DAB1: variants seen among roughly 807,000 people sequenced by gnomAD.
DAB1 encodes disabled homolog 1.
Under a neutral mutation model 64.6 loss-of-function variants are expected in DAB1, and 15 were observed. The ratio of observed to expected loss-of-function variants is 0.23; its 90% CI spans 0.16 to 0.36. The LOEUF is 0.36. DAB1 is among the 10% of genes least tolerant of loss of function. DAB1 has a pLI of 1.00. For synonymous variants in DAB1, 235 were observed against 251.9 expected, an observed-to-expected ratio of 0.93 and a Z score of 0.64; for missense variants, 596 against 706.7, an observed-to-expected ratio of 0.84 and a Z score of 1.78.
rs541905558 is a variant in DAB1 at position 58,373,884 on chromosome 1, G to A, written n.258-30481C>T. The stretch of plus-strand genomic sequence containing the variant: ...ATGATTGCCATTCTAACTGGTGTGA[G>A]ATGATATCTCATAGTGGTTTTGATT... On this transcript the variant is annotated intron_variant and non_coding_transcript_variant, in intron 3 of 20. Transcript: ENST00000485760. Among the ~76,000 whole-genome samples the A allele has an allele frequency of 1.9e-3, 279 of 150,670 alleles. 11 individuals carry two copies. In the South Asian group the frequency reaches 0.054, roughly 29 times the overall value.
At chr1:58,022,340 T>C (rs959379834) in intron 5 of DAB1, among the ~76,000 whole-genome samples, 1 of 152,160 alleles carries the variant, frequency 6.6e-6, no homozygotes, top group African/African-American at 2.4e-5. Context: ...GCTGTGGGGA[T>C]GCTAGAGAGA....
intron 2 of DAB1, among the ~76,000 whole-genome samples, chr1:57,223,134 T>C (rs1440416063): frequency 6.6e-6 from 1 of 152,176 alleles, no homozygotes; most frequent in African/African-American, 2.4e-5. Context: ...GCCGCCAAAA[T>C]GCCTCTCCTC....
chr1:57,161,974 C>T (rs1660802736), intron 2 of DAB1, among the ~76,000 whole-genome samples: 1 of 152,138 alleles, frequency 6.6e-6, no homozygotes, highest in Non-Finnish European at 1.5e-5. Context: ...TGTGCAATAG[C>T]CCATCCTACA....
chr1:57,946,605 G>C (rs1645187324), intron 5 of DAB1, among the ~76,000 whole-genome samples: 1 of 152,142 alleles, frequency 6.6e-6, no homozygotes, highest in Admixed American at 6.5e-5. Context: ...AGAAAGAGGG[G>C]ATGCGGTCTG....
At chr1:58,196,391 A>G (rs1657678077) in intron 4 of DAB1, among the ~76,000 whole-genome samples, 1 of 152,236 alleles carries the variant, frequency 6.6e-6, no homozygotes, top group Non-Finnish European at 1.5e-5. Context: ...GAAGCTAAGC[A>G]GCTGCTGAAA....
intron 2 of DAB1, among the ~76,000 whole-genome samples, chr1:57,268,674 T>C (rs574755215): frequency 2.0e-5 from 3 of 152,206 alleles, no homozygotes; most frequent in Non-Finnish European, 4.4e-5. Flanking sequence ...ACCTTCTATG[T>C]GCCAAGCCCT....
intron 1 of DAB1, among the ~76,000 whole-genome samples, chr1:57,335,236 A>T (rs1408394683): frequency 6.6e-6 from 1 of 152,040 alleles, no homozygotes; most frequent in Non-Finnish European, 1.5e-5. Context: ...GAGCAACTTT[A>T]CGTGCCCCGA....
chr1:57,695,299 G>GAAAGAAAGAAAGAAAGAAA (rs1233856758), intron 6 of DAB1, among the ~76,000 whole-genome samples: 1 of 37,188 alleles, frequency 2.7e-5, no homozygotes, highest in African/African-American at 6.7e-5. Flanking sequence ...GGAGAGAGAA[G>GAAAGAAAGAAAGAAAGAAA]GAAAGAAAGA....
intron 5 of DAB1, among the ~76,000 whole-genome samples, chr1:57,950,453 A>T (rs1645255400): frequency 6.6e-6 from 1 of 152,080 alleles, no homozygotes. Flanking sequence ...GGCGTTCCTC[A>T]TTTCTCCATG....
At chr1:58,390,353 C>A (rs904756900) in intron 3 of DAB1, among the ~76,000 whole-genome samples, 30 of 152,048 alleles carry the variant, frequency 2.0e-4, no homozygotes. Context: ...TAGGGCCCTG[C>A]ATTGGTTTCA....
At chr1:58,079,515 C>CTTTTTTTTTTT (rs66960756) in intron 5 of DAB1, among the ~76,000 whole-genome samples, 4 of 67,808 alleles carry the variant, frequency 5.9e-5, no homozygotes, top group African/African-American at 2.3e-4. Flanking sequence ...AGCATACCAT[C>CTTTTTTTTTTT]TTTTTTTTTT....
intron 7 of DAB1, among the ~76,000 whole-genome samples, chr1:57,647,360 T>A (rs1646204911): frequency 6.6e-6 from 1 of 152,198 alleles, no homozygotes; most frequent in African/African-American, 2.4e-5. Flanking sequence ...GCATAGGATG[T>A]TTTCCAGTTG....
intron 5 of DAB1, among the ~76,000 whole-genome samples, chr1:58,003,407 G>A (rs1160221460): frequency 6.6e-6 from 1 of 152,118 alleles, no homozygotes; most frequent in Non-Finnish European, 1.5e-5. Context: ...ATTGTAGATG[G>A]GAGAGACTTC....
chr1:57,632,606 T>C (rs1352710304), intron 7 of DAB1, among the ~76,000 whole-genome samples: 3 of 151,634 alleles, frequency 2.0e-5, no homozygotes, highest in Non-Finnish European at 2.9e-5. Flanking sequence ...TGGGGTGGAG[T>C]TGAAACAGTG....
chr1:58,148,416 C>T (rs1654730948), intron 5 of DAB1, among the ~76,000 whole-genome samples: 2 of 152,202 alleles, frequency 1.3e-5, no homozygotes, highest in Admixed American at 6.5e-5. Context: ...TTTACTGTGA[C>T]CTGAAAGATG....
intron 7 of DAB1, among the ~76,000 whole-genome samples, chr1:57,632,094 G>C (rs1477270055): frequency 6.6e-6 from 1 of 152,138 alleles, no homozygotes. Flanking sequence ...GGGAGGCCAG[G>C]GACCTGGTAT....
intron 4 of DAB1, among the ~76,000 whole-genome samples, chr1:58,154,566 G>GAT (rs1410863920): frequency 3.3e-5 from 5 of 152,044 alleles, no homozygotes; most frequent in East Asian, 1.9e-4. Context: ...GAAAAACAGA[G>GAT]ATATATATAT....
intron 1 of DAB1, among the ~76,000 whole-genome samples, chr1:58,544,269 T>G (rs1055454431): frequency 6.6e-6 from 1 of 152,242 alleles, no homozygotes; most frequent in Non-Finnish European, 1.5e-5. Flanking sequence ...TTATTATTCA[T>G]TCATTCTGAA....
chr1:58,473,068 C>T (rs1414974109), intron 3 of DAB1, among the ~76,000 whole-genome samples: 1 of 152,204 alleles, frequency 6.6e-6, no homozygotes, highest in South Asian at 2.1e-4. Context: ...CATTTCCCCG[C>T]ACCACACTGT....
Sources: allele counts gnomAD v4.1 joint callset (sites outside exome capture counted in the v4.1 genomes callset), GRCh38; gene constraint gnomAD v4.1.1; transcripts MANE v1.5; gene names NCBI Gene and HGNC (gene_info 2026-07-23, HGNC 2026-07-21).